RITA1: variants seen among roughly 807,000 people sequenced by gnomAD.
The protein encoded by RITA1 is RBPJ interacting and tubulin associated 1.
Under a neutral mutation model 8.7 loss-of-function variants are expected in RITA1, and 15 were observed. The ratio of observed to expected loss-of-function variants is 1.72; its 90% CI spans 1.15 to 2.65. The LOEUF (loss-of-function observed/expected upper bound fraction) is 2.65. Among genes scored for constraint, RITA1 ranks in the 30% most tolerant of loss-of-function variants. RITA1 has a pLI of 0.00. For synonymous variants in RITA1, 145 were observed against 156.2 expected (o/e 0.93, Z 0.53); for missense variants, 330 against 363.8 (o/e 0.91, Z 0.76).
rs1218167747 is a variant in RITA1 at position 113,191,838 on chromosome 12, C to T, written c.*21C>T. On this transcript the variant is annotated 3_prime_UTR_variant, in exon 4 of 4. Coordinates refer to ENST00000548278, the MANE Select transcript of RITA1 (RefSeq NM_032848.3). This position sits in a 1 kb window ranked among gnomAD's most constrained non-coding sequence, Gnocchi z 4.0. The stretch of plus-strand genomic sequence containing the variant: ...AATGATACTCTTTCATCAGGGTTGC[C>T]TATGGGGCCACGGCGACAGGTATGG... 3.2e-6 allele frequency: 5 copies of T among 1,573,378 alleles called. No homozygotes were observed. The Admixed American group carries it at 8.9e-5, about 28-fold the overall frequency.
Position 113,186,306 on chromosome 12 carries a change from C to T in RITA1, c.-75C>T. On this transcript the variant is annotated 5_prime_UTR_variant, in exon 2 of 4. Transcript: ENST00000548278. Reference sequence around the variant, plus strand: ...TAAATGAAACAATGCTTGTAAAGCTCTTTGCAGGAGGTAGGCATGGGATCC... The same window carrying T: ...TAAATGAAACAATGCTTGTAAAGCTTTTTGCAGGAGGTAGGCATGGGATCC... The T allele has an allele frequency of 7.2e-7, 1 of 1,386,720 alleles. No individual in the cohort carries two copies. The highest frequency in any genetic ancestry group is 9.3e-7 in the Non-Finnish European group (1 of 1,071,360). 85.9% of individuals were successfully genotyped at this position (1,386,720 alleles called of 1,614,324 possible). A position where few individuals can be genotyped will look rare whatever the true frequency, so the allele number is the denominator to read the frequency against.
Position 113,185,963 on chromosome 12 carries a change from G to A in RITA1, c.-255G>A. The A allele has an allele frequency of 6.5e-7, 1 of 1,535,402 alleles. No homozygotes were observed. Among genetic ancestry groups the A allele is most frequent in the Non-Finnish European group, 8.7e-7 (1 of 1,146,374 alleles). On this transcript the variant is annotated 5_prime_UTR_variant, in exon 1 of 4. Coordinates refer to ENST00000548278, the MANE Select transcript of RITA1 (RefSeq NM_032848.3). ...TCACCGACGGGTCCAGACCTGGTGG[G>A]AAGAAGGTGCGGGGACGGGTCCCTG...
chr12:113,188,787 CTTTTT>C (rs760372956), intron 3 of RITA1, among the ~76,000 whole-genome samples: 1 of 73,196 alleles, frequency 1.4e-5, no homozygotes. Context: ...CCTTAGTTAC[CTTTTT>C]TTTTTTTTTT....
rs532443329 is a variant in RITA1, at chr12:113,185,776, T to C, written c.-442T>C. 1.3e-4 allele frequency: 78 copies of C among 611,092 alleles called. 2 individuals carry two copies. The South Asian group carries it at 1.5e-3, about 12-fold the overall frequency. The allele number at this position is 611,092 out of a possible 1,614,324, so 37.9% of individuals were successfully genotyped here. On this transcript the variant is annotated 5_prime_UTR_variant, in exon 1 of 4. Coordinates refer to ENST00000548278, the MANE Select transcript of RITA1 (RefSeq NM_032848.3). Reference sequence around the variant, plus strand: ...TGCAAAGTGCTGGGTTCTGGGTTTCTGGATTCGCGGGCCGTTCACACGTAG... The same window carrying C: ...TGCAAAGTGCTGGGTTCTGGGTTTCCGGATTCGCGGGCCGTTCACACGTAG...
Position 113,186,977 on chromosome 12 carries a change from G to A in RITA1, c.231G>A (p.Lys77=), listed in dbSNP as rs747162671. The A allele has an allele frequency of 1.4e-5, 23 of 1,613,220 alleles. No homozygotes were observed. The highest frequency in any genetic ancestry group is 8.9e-5 in the East Asian group (4 of 44,858). The change falls in exon 3 of 4, where the codon AAG becomes AAA. Residue 77 remains lysine, a synonymous_variant. Coordinates refer to ENST00000548278, the MANE Select transcript of RITA1 (RefSeq NM_032848.3). The part of the protein sequence containing the change: ...GKEASKALGA[K]GSCETTPSRG... ...AGGCATCGAAGGCCTTGGGGGCAAA[G>A]GGGAGCTGTGAGACCACCCCCTCAA...
chr12:113,191,666 C>A lies in RITA1; in HGVS notation c.659C>A (p.Thr220Lys), dbSNP rs34831139. The A allele has an allele frequency of 0.061, 98,020 of 1,614,126 alleles. 3,502 individuals are homozygous for A. The highest frequency in any genetic ancestry group is 0.067 in the Non-Finnish European group (78,757 of 1,180,012). The change falls in exon 4 of 4, where the codon ACA becomes AAA. Residue 220 changes from threonine (T) to lysine (K), a missense_variant. Coordinates refer to ENST00000548278, the MANE Select transcript of RITA1 (RefSeq NM_032848.3). The surrounding 1 kb of genome is among the most constrained non-coding windows in gnomAD (Gnocchi z 4.0). ...CATCCAGCCACCAGTGCCCCCCACA[C>A]AAATGGGCCTCAGGATCTCAGGCCT... is the stretch of plus-strand genomic sequence containing the variant. ...TGHPATSAPH[T>K]NGPQDLRPST...
intron 1 of RITA1, 26 bp from the exon 2 acceptor site, chr12:113,186,159 C>A: frequency 7.1e-7 from 1 of 1,408,308 alleles, no homozygotes; most frequent in Non-Finnish European, 9.6e-7. Context: ...AAGCTCTGGA[C>A]TCAGATTTCA....
rs1406396164 is a variant in RITA1 at position 113,187,133 on chromosome 12, A to C, written c.302+85A>C. On this transcript the variant is annotated intron_variant, in intron 3 of 3. Coordinates refer to ENST00000548278, the MANE Select transcript of RITA1 (RefSeq NM_032848.3). The stretch of plus-strand genomic sequence containing the variant: ...AGCTCTGGTGTTCACCTGCTCTGTG[A>C]CCTTGGGCAAGCATCTTGACCTCTC... 3 of 1,387,476 alleles carry C rather than the reference A, an allele frequency of 2.2e-6. No individual in the cohort carries two copies. The Admixed American group carries it at 8.2e-5, about 38-fold the overall frequency. 85.9% of individuals were successfully genotyped at this position (1,387,476 alleles called of 1,614,324 possible).
Position 113,185,872 on chromosome 12 carries a change from G to T in RITA1, c.-346G>T. The T allele has an allele frequency of 7.9e-7, 1 of 1,259,292 alleles. No homozygotes were observed. The highest frequency in any genetic ancestry group is 1.1e-6 in the Non-Finnish European group (1 of 924,342). The allele number at this position is 1,259,292 out of a possible 1,614,324, so 78.0% of individuals were successfully genotyped here. A position where few individuals can be genotyped will look rare whatever the true frequency, so the allele number is the denominator to read the frequency against. ...GGACGGCCTAGGCTGCCGGGGGTCC[G>T]GGGCCCCAGGCATTCCGGGCTGCAG... On this transcript the variant is annotated 5_prime_UTR_variant, in exon 1 of 4. Coordinates refer to ENST00000548278, the MANE Select transcript of RITA1 (RefSeq NM_032848.3).
intron 2 of RITA1, 38 bp from the exon 3 acceptor site, chr12:113,186,645 C>G (rs1222865811): frequency 6.6e-6 from 10 of 1,513,604 alleles, no homozygotes; most frequent in Non-Finnish European, 8.0e-6. Context: ...ATTAGCACTT[C>G]TGTGGCTCAG....
chr12:113,186,658 G>A (rs2136332832), intron 2 of RITA1, 25 bp from the exon 3 acceptor site: 1 of 1,546,938 alleles, frequency 6.5e-7, no homozygotes, highest in South Asian at 1.2e-5. Context: ...TGGCTCAGGG[G>A]TGCTACTCTG....
rs749975448 is a variant in RITA1 at position 113,186,779 on chromosome 12, G to A, written c.33G>A (p.Gly11=). Residue 11 remains glycine (G), a synonymous_variant, in exon 3 of 4, where the codon GGG becomes GGA. Transcript: ENST00000548278. ...CCCCCGTGGAGCTGGCCGTCAGTGG[G>A]ATGCAGACCCTCGGCCTTCAGCACC... MKTPVELAVS[G]MQTLGLQHRC... 2 of 1,613,598 alleles carry A rather than the reference G, an allele frequency of 1.2e-6. No homozygotes were observed. Among genetic ancestry groups the A allele is most frequent in the Non-Finnish European group, 1.7e-6 (2 of 1,179,920 alleles).
In RITA1 at chr12:113,191,282, C is replaced by T. The variant is rs1219095519; in HGVS notation, c.303-28C>T. ...TTTTGAGGGGTTGTTCATCCCCCAG[C>T]TCATGGCGTTTATCTTCCATTTGCC... On this transcript the variant is annotated intron_variant, in intron 3 of 3. Coordinates refer to ENST00000548278, the MANE Select transcript of RITA1 (RefSeq NM_032848.3). This position sits in a 1 kb window ranked among gnomAD's most constrained non-coding sequence, Gnocchi z 4.0. 2.0e-6 allele frequency: 3 copies of T among 1,500,972 alleles called. No individual in the cohort carries two copies. Among genetic ancestry groups the T allele is most frequent in the East Asian group, 4.6e-5 (2 of 43,350 alleles). 93.0% of individuals were successfully genotyped at this position (1,500,972 alleles called of 1,614,324 possible).
Position 113,191,696 on chromosome 12 carries a change from C to G in RITA1, c.689C>G (p.Thr230Arg). 2 of 1,614,164 alleles carry G rather than the reference C, an allele frequency of 1.2e-6. No homozygotes were observed. The highest frequency in any genetic ancestry group is 1.7e-6 in the Non-Finnish European group (2 of 1,180,034). The change falls in exon 4 of 4, where the codon ACG (threonine) becomes AGG (arginine). Residue 230 changes from threonine to arginine, a missense_variant. Coordinates refer to ENST00000548278, the MANE Select transcript of RITA1 (RefSeq NM_032848.3). The surrounding 1 kb of genome is among the most constrained non-coding windows in gnomAD (Gnocchi z 4.0). ...GGGCCTCAGGATCTCAGGCCTTCCACGTCAGGGGTGACCTTCCGGAGCCCC... is the reference window on the plus strand; with the variant it reads ...GGGCCTCAGGATCTCAGGCCTTCCAGGTCAGGGGTGACCTTCCGGAGCCCC... ...TNGPQDLRPS[T>R]SGVTFRSPLV...
chr12:113,190,088 G>C (rs1425001667), intron 3 of RITA1, among the ~76,000 whole-genome samples: 1 of 149,988 alleles, frequency 6.7e-6, no homozygotes, highest in Non-Finnish European at 1.5e-5. Context: ...CCAGCACTTT[G>C]GGAGGCCGAG....
At chr12:113,186,560 C>T (rs966964449) in intron 2 of RITA1, 123 bp from the exon 3 acceptor site, 1 of 1,392,582 alleles carries the variant, frequency 7.2e-7, no homozygotes, top group African/African-American at 1.5e-5. Context: ...AAGTTGACAG[C>T]TCCCCTTTGA....
In RITA1 at chr12:113,191,247, G is replaced by A; in HGVS notation, c.303-63G>A. 1.4e-6 allele frequency: 2 copies of A among 1,480,916 alleles called. No individual in the cohort carries two copies. The highest frequency in any genetic ancestry group is 2.4e-5 in the Admixed American group (1 of 41,146). The allele number at this position is 1,480,916 out of a possible 1,614,324, so 91.7% of individuals were successfully genotyped here. A position where few individuals can be genotyped will look rare whatever the true frequency, so the allele number is the denominator to read the frequency against. On this transcript the variant is annotated intron_variant, in intron 3 of 3. Coordinates refer to ENST00000548278, the MANE Select transcript of RITA1 (RefSeq NM_032848.3). The surrounding 1 kb of genome is among the most constrained non-coding windows in gnomAD (Gnocchi z 4.0). ...CTGCCATCCCAGGGTGGGTGGGAGAGCTGTTAAAGTTTTGAGGGGTTGTTC... is the reference window on the plus strand; with the variant it reads ...CTGCCATCCCAGGGTGGGTGGGAGAACTGTTAAAGTTTTGAGGGGTTGTTC...
chr12:113,188,959 G>A (rs1272922064), intron 3 of RITA1, among the ~76,000 whole-genome samples: 2 of 151,222 alleles, frequency 1.3e-5, no homozygotes, highest in Middle Eastern at 3.2e-3. Flanking sequence ...ACAGGTGCAC[G>A]CCACCATGCC....
chr12:113,189,647 A>G (rs1194477550), intron 3 of RITA1, among the ~76,000 whole-genome samples: 4 of 150,506 alleles, frequency 2.7e-5, no homozygotes, highest in African/African-American at 9.8e-5. Context: ...AAAGACTTGC[A>G]GTTTGGGGAT....
Sources: allele counts gnomAD v4.1 joint callset (sites outside exome capture counted in the v4.1 genomes callset), GRCh38; gene constraint gnomAD v4.1.1; non-coding constraint Gnocchi (gnomAD v3.1); transcripts MANE v1.5; gene names NCBI Gene and HGNC (gene_info 2026-07-23, HGNC 2026-07-21).